The following CA8 variants were observed in gnomAD, a reference collection of about 807,000 sequenced individuals.
The protein encoded by CA8 is carbonic anhydrase-related protein.
CA8 carries 22 observed loss-of-function variants against 41.4 expected under a neutral mutation model. The observed-to-expected ratio is 0.53, with a 90% confidence interval of 0.38 to 0.76. The LOEUF (loss-of-function observed/expected upper bound fraction) is 0.76. Ranked by LOEUF, CA8 falls within the 30% of genes least tolerant of loss-of-function variation. CA8 has a pLI of 0.00. For missense variants in CA8, 270 were observed against 352.8 expected, an observed-to-expected ratio of 0.77 and a Z score of 1.88; for synonymous variants, 121 against 130.6, an observed-to-expected ratio of 0.93 and a Z score of 0.50.
chr8:60,229,274 T>G (rs1807555882), intron 4 of CA8, among the ~76,000 whole-genome samples: 2 of 152,256 alleles, frequency 1.3e-5, no homozygotes, highest in Non-Finnish European at 2.9e-5. Context: ...CTGATCTACC[T>G]GAACCCTTCG....
At chr8:60,214,535 C>T (rs1806950415) in intron 7 of CA8, among the ~76,000 whole-genome samples, 1 of 152,194 alleles carries the variant, frequency 6.6e-6, no homozygotes, top group African/African-American at 2.4e-5. Context: ...CAAACATAAC[C>T]ATGCTGTGGC....
chr8:60,208,390 G>T, intron 8 of CA8: 1 of 281,956 alleles, frequency 3.5e-6, no homozygotes, highest in Middle Eastern at 1.3e-3. Context: ...GTGCTCCTTG[G>T]TCACTGGGAC....
At chr8:60,222,333 C>A (rs945846294) in intron 7 of CA8, among the ~76,000 whole-genome samples, 1 of 143,542 alleles carries the variant, frequency 7.0e-6, no homozygotes, top group Non-Finnish European at 1.6e-5. Context: ...CCCCACTTTA[C>A]GTCCAGACTT....
At position 60,281,144 on chromosome 8, in the gene CA8, C is replaced by T. The variant is rs568225459; in HGVS notation, c.4G>A (p.Ala2Thr). 1.3e-6 allele frequency: 2 copies of T among 1,564,794 alleles called. No homozygotes were observed. The highest frequency in any genetic ancestry group is 1.8e-5 in the Admixed American group (1 of 54,144). M[A>T]DLSFIEDTVA... is the part of the protein sequence containing the mutation. Reference sequence around the variant, plus strand: ...GTATCTTCGATGAAGCTCAGGTCCGCCATGGGAAGGCCGCGGGGCCCCTCG... The same window carrying T: ...GTATCTTCGATGAAGCTCAGGTCCGTCATGGGAAGGCCGCGGGGCCCCTCG... Residue 2 changes from alanine (A) to threonine (T), a missense_variant, in exon 1 of 9, where the codon GCG (alanine) becomes ACG (threonine). By Grantham distance (58) the Ala-to-Thr change is moderately conservative. This residue lies in a region of CA8 where 123 missense variants were observed against 136.8 expected (regional missense o/e 0.90). Coordinates refer to ENST00000317995, the MANE Select transcript of CA8 (RefSeq NM_004056.6).
In CA8 at chr8:60,281,238, G is replaced by A. The variant is rs929859034; in HGVS notation, c.-91C>T. On this transcript the variant is annotated 5_prime_UTR_variant, in exon 1 of 9. Coordinates refer to ENST00000317995, the MANE Select transcript of CA8 (RefSeq NM_004056.6). The stretch of plus-strand genomic sequence containing the variant: ...TGGAGCCGGAGCGGAGCGCGCGTGG[G>A]GGAGTGTGAGCACGCGTGAGCGGCA... 4.5e-6 allele frequency: 4 copies of A among 884,742 alleles called. No individual in the cohort carries two copies. Among genetic ancestry groups the A allele is most frequent in the Non-Finnish European group, 7.2e-6 (4 of 556,794 alleles). The allele number at this position is 884,742 out of a possible 1,614,324, so 54.8% of individuals were successfully genotyped here.
chr8:60,187,978 G>A lies in CA8; in HGVS notation c.*2043C>T, dbSNP rs1040490660. 2 of 152,078 alleles carry A rather than the reference G, an allele frequency of 1.3e-5. No individual in the cohort carries two copies. Among genetic ancestry groups the A allele is most frequent in the African/African-American group, 2.4e-5 (1 of 41,408 alleles). 9.4% of individuals were successfully genotyped at this position (152,078 alleles called of 1,614,324 possible). On this transcript the variant is annotated 3_prime_UTR_variant, in exon 9 of 9. Transcript: ENST00000317995. Reference sequence around the variant, plus strand: ...CTTTCAAATTCATTCCTACAAAAGCGTATTATAAACAGTATTCATATTCTG... The same window carrying A: ...CTTTCAAATTCATTCCTACAAAAGCATATTATAAACAGTATTCATATTCTG...
At chr8:60,239,483 G>T (rs1807942642) in intron 3 of CA8, among the ~76,000 whole-genome samples, 1 of 152,140 alleles carries the variant, frequency 6.6e-6, no homozygotes. Context: ...ACTAACAACA[G>T]CTGATGAGAA....
intron 7 of CA8, 88 bp downstream of exon 7, chr8:60,222,561 G>T: frequency 2.4e-6 from 2 of 832,366 alleles, no homozygotes; most frequent in Non-Finnish European, 4.1e-6. Context: ...TCTACAGGAA[G>T]CTAAAACACA....
At chr8:60,238,415 C>T (rs939452620) in intron 3 of CA8, among the ~76,000 whole-genome samples, 3 of 152,168 alleles carry the variant, frequency 2.0e-5, no homozygotes, top group Non-Finnish European at 4.4e-5. Context: ...TGTGACATCT[C>T]CTAACTGCAA....
intron 3 of CA8, among the ~76,000 whole-genome samples, chr8:60,263,222 C>T (rs775582229): frequency 1.3e-5 from 2 of 151,444 alleles, no homozygotes; most frequent in Non-Finnish European, 2.9e-5. Context: ...ACCATGGAGG[C>T]TGAGGCACAT....
intron 3 of CA8, among the ~76,000 whole-genome samples, chr8:60,259,681 T>C (rs531778298): frequency 6.6e-5 from 10 of 152,262 alleles, no homozygotes; most frequent in African/African-American, 2.4e-4. Flanking sequence ...GAAACCATGA[T>C]TTTTATGAAG....
At chr8:60,258,645 G>A (rs1463766522) in intron 3 of CA8, among the ~76,000 whole-genome samples, 1 of 152,144 alleles carries the variant, frequency 6.6e-6, no homozygotes, top group East Asian at 1.9e-4. Flanking sequence ...TCACCATAAT[G>A]TAGAATCAGT....
intron 8 of CA8, among the ~76,000 whole-genome samples, chr8:60,205,765 T>A (rs1054968617): frequency 1.6e-4 from 25 of 152,320 alleles, no homozygotes; most frequent in South Asian, 6.2e-4. Flanking sequence ...GTCATTTTTT[T>A]AAAAATCTGT....
At chr8:60,235,705 G>A (rs901107894) in intron 3 of CA8, among the ~76,000 whole-genome samples, 2 of 152,212 alleles carry the variant, frequency 1.3e-5, no homozygotes, top group African/African-American at 4.8e-5. Context: ...GTACCTTAGT[G>A]GGTAGCTAGA....
intron 3 of CA8, among the ~76,000 whole-genome samples, chr8:60,236,801 T>C (rs1199533773): frequency 2.6e-5 from 4 of 152,186 alleles, no homozygotes; most frequent in African/African-American, 7.2e-5. Context: ...AACAAATACA[T>C]ATATTATGGA....
At chr8:60,195,134 A>G (rs541703845) in intron 8 of CA8, among the ~76,000 whole-genome samples, 2 of 152,346 alleles carry the variant, frequency 1.3e-5, no homozygotes, top group East Asian at 3.9e-4. Context: ...CTAAATAATA[A>G]GGAAGCTTAC....
chr8:60,245,806 CA>C (rs778181783), intron 3 of CA8, among the ~76,000 whole-genome samples: 31 of 151,994 alleles, frequency 2.0e-4, no homozygotes, highest in Non-Finnish European at 4.0e-4. Context: ...GGGTGTGAAC[CA>C]AAAAAGCTCA....
chr8:60,267,057 C>G (rs1803925054), intron 2 of CA8, among the ~76,000 whole-genome samples: 1 of 152,214 alleles, frequency 6.6e-6, no homozygotes, highest in Admixed American at 6.5e-5. Context: ...CCACACCTCT[C>G]TCGAGGAAGA....
At chr8:60,251,541 G>A (rs530445392) in intron 3 of CA8, among the ~76,000 whole-genome samples, 8 of 152,160 alleles carry the variant, frequency 5.3e-5, no homozygotes, top group Non-Finnish European at 1.0e-4. Flanking sequence ...AACAACATAC[G>A]GGTCTCCTGA....
Sources: allele counts gnomAD v4.1 joint callset (sites outside exome capture counted in the v4.1 genomes callset), GRCh38; gene constraint gnomAD v4.1.1; regional missense constraint gnomAD v4.1.1; transcripts MANE v1.5; gene names NCBI Gene and HGNC (gene_info 2026-07-23, HGNC 2026-07-21).